The following PBRM1 variants were observed in gnomAD, a reference collection of about 807,000 sequenced individuals.
PBRM1 encodes polybromo 1, also known as protein polybromo-1.
Under a neutral mutation model 194.5 loss-of-function variants are expected in PBRM1, and 27 were observed. That is an observed-to-expected ratio of 0.14 (90% CI 0.10 to 0.19). The LOEUF (loss-of-function observed/expected upper bound fraction) is 0.19. Among genes scored for constraint, PBRM1 ranks in the 10% least tolerant of loss-of-function variants. PBRM1 has a pLI of 1.00. For synonymous variants in PBRM1, 655 were observed against 693.2 expected, an observed-to-expected ratio of 0.94 and a Z score of 0.87; for missense variants, 1,466 against 2,077.2, an observed-to-expected ratio of 0.71 and a Z score of 5.72.
chr3:52,652,726 G>A (rs754481994), intron 5 of PBRM1, among the ~76,000 whole-genome samples: 1 of 151,286 alleles, frequency 6.6e-6, no homozygotes, highest in Non-Finnish European at 1.5e-5. Flanking sequence ...GGCAAGGCGC[G>A]GTGGCTCACA....
chr3:52,593,979 A>C (rs1258723237), intron 17 of PBRM1, among the ~76,000 whole-genome samples: 1 of 152,190 alleles, frequency 6.6e-6, no homozygotes, highest in East Asian at 1.9e-4. Context: ...CCGGAATATC[A>C]TTGTTAATTT....
At chr3:52,596,436 C>CAAGAAAAAA (rs2093556570) in intron 17 of PBRM1, among the ~76,000 whole-genome samples, 1 of 50,342 alleles carries the variant, frequency 2.0e-5, no homozygotes, top group Non-Finnish European at 3.4e-5. Context: ...GACTCCGTCT[C>CAAGAAAAAA]AAAAAAAAAA....
At chr3:52,598,746 T>G (rs2153232472) in intron 17 of PBRM1, among the ~76,000 whole-genome samples, 1 of 152,196 alleles carries the variant, frequency 6.6e-6, no homozygotes. Flanking sequence ...TTAGGCCAGG[T>G]GCAGTGGCTC....
At chr3:52,618,992 G>A (rs963900781) in intron 13 of PBRM1, among the ~76,000 whole-genome samples, 1 of 152,084 alleles carries the variant, frequency 6.6e-6, no homozygotes, top group African/African-American at 2.4e-5. Context: ...CAGGTGATCC[G>A]CCTGCCTCGG....
exon 10 of PBRM1, chr3:52,642,022 C>G (rs200106731): frequency 1.8e-4 from 282 of 1,584,110 alleles, no homozygotes; most frequent in Non-Finnish European, 2.1e-4. Context: ...TGATAAACGA[C>G]CTCCTTGTAC....
intron 22 of PBRM1, among the ~76,000 whole-genome samples, chr3:52,574,041 A>G (rs752397324): frequency 2.6e-5 from 4 of 152,224 alleles, no homozygotes; most frequent in Non-Finnish European, 4.4e-5. Context: ...CCCTTGGTGG[A>G]GAAGTGTCTA....
intron 2 of PBRM1, among the ~76,000 whole-genome samples, chr3:52,672,312 AC>A (rs1350977035): frequency 6.6e-6 from 1 of 152,118 alleles, no homozygotes; most frequent in Non-Finnish European, 1.5e-5. Flanking sequence ...ATCCAGGATA[AC>A]CGCTCCAATT....
intron 27 of PBRM1, among the ~76,000 whole-genome samples, chr3:52,554,459 A>C (rs2081787381): frequency 6.6e-6 from 1 of 152,236 alleles, no homozygotes; most frequent in African/African-American, 2.4e-5. Flanking sequence ...TTATCGATAG[A>C]GTATGCCTCT....
At position 52,634,564 on chromosome 3, in the gene PBRM1, A is replaced by T. The variant is rs184172764; in HGVS notation, c.1301+38T>A. The T allele has an allele frequency of 5.3e-6, 7 of 1,329,522 alleles. No individual in the cohort carries two copies. In the East Asian group the frequency reaches 1.6e-4, roughly 31 times the overall value. 82.4% of individuals were successfully genotyped at this position (1,329,522 alleles called of 1,614,324 possible). A position where few individuals can be genotyped will look rare whatever the true frequency, so the allele number is the denominator to read the frequency against. ...ATTATGTGCAGGCTCAGCCACAACAAAATAAAATTATACTGAATAATGTAG... is the reference window on the plus strand; with the variant it reads ...ATTATGTGCAGGCTCAGCCACAACATAATAAAATTATACTGAATAATGTAG... On this transcript the variant is annotated intron_variant, in intron 11 of 29. Coordinates refer to ENST00000296302, the Ensembl canonical transcript of PBRM1.
intron 22 of PBRM1, among the ~76,000 whole-genome samples, chr3:52,574,161 A>G (rs1401671804): frequency 2.6e-5 from 4 of 152,230 alleles, no homozygotes; most frequent in Non-Finnish European, 5.9e-5. Flanking sequence ...TGGAGGCTGG[A>G]AAGTCCAAGA....
At chr3:52,560,271 G>A (rs1408263973) in intron 25 of PBRM1, among the ~76,000 whole-genome samples, 3 of 152,088 alleles carry the variant, frequency 2.0e-5, no homozygotes, top group Non-Finnish European at 4.4e-5. Flanking sequence ...CATTTGCCTT[G>A]CTGCTGCTGC....
intron 6 of PBRM1, among the ~76,000 whole-genome samples, chr3:52,650,384 C>CA (rs1483044017): frequency 8.6e-5 from 10 of 115,772 alleles, no homozygotes; most frequent in East Asian, 5.6e-4. Context: ...AAAAAAAACC[C>CA]TAAAAAAAAA....
chr3:52,668,616 G>T (rs779102269), exon 3 of PBRM1: 1 of 1,599,190 alleles, frequency 6.3e-7, no homozygotes, highest in Non-Finnish European at 8.5e-7. Flanking sequence ...AATGGGCTGA[G>T]AAACCACTTC....
At chr3:52,550,841 C>T in intron 27 of PBRM1, 24 bp from the exon 30 acceptor site, 3 of 1,486,904 alleles carry the variant, frequency 2.0e-6, no homozygotes, top group Non-Finnish European at 2.8e-6. Context: ...TGCAATGGCA[C>T]AGTTAGAGGC....
At chr3:52,556,498 A>AATT (rs1401499311) in intron 26 of PBRM1, among the ~76,000 whole-genome samples, 1 of 152,210 alleles carries the variant, frequency 6.6e-6, no homozygotes, top group African/African-American at 2.4e-5. Flanking sequence ...CTTTGCTTTC[A>AATT]ATTACAAAAG....
chr3:52,567,565 C>CAAAAAAA (rs10644120), intron 22 of PBRM1, among the ~76,000 whole-genome samples: 23 of 90,952 alleles, frequency 2.5e-4, no homozygotes, highest in Admixed American at 3.4e-4. Flanking sequence ...TAGGTAATCT[C>CAAAAAAA]AAAAAAAAAA....
At chr3:52,559,340 T>A (rs926464003) in intron 25 of PBRM1, among the ~76,000 whole-genome samples, 3 of 152,212 alleles carry the variant, frequency 2.0e-5, no homozygotes, top group African/African-American at 7.2e-5. Context: ...CCAATGATCA[T>A]GTTTCCAGTC....
At chr3:52,554,798 G>A in exon 27 of PBRM1, 1 of 1,592,672 alleles carries the variant, frequency 6.3e-7, no homozygotes, top group Non-Finnish European at 8.5e-7. Flanking sequence ...AGGGTGAAGT[G>A]GCTGCATGCT....
intron 5 of PBRM1, among the ~76,000 whole-genome samples, chr3:52,654,175 C>G (rs1416097660): frequency 6.6e-6 from 1 of 152,198 alleles, no homozygotes; most frequent in Non-Finnish European, 1.5e-5. Flanking sequence ...CCTGTTCAAA[C>G]CCTACTGAAG....
Sources: gnomAD v4.1 joint callset for allele counts (sites outside exome capture counted in the v4.1 genomes callset) on GRCh38, gnomAD v4.1.1 for gene constraint, MANE v1.5 for transcripts, NCBI Gene and HGNC (gene_info 2026-07-23, HGNC 2026-07-21) for gene names.